The following FH variants were observed in gnomAD, a reference collection of about 807,000 sequenced individuals.
FH encodes the protein fumarate hydratase, mitochondrial.
In FH, 22 loss-of-function variants were observed where a neutral mutation model predicts 49.4. The observed-to-expected ratio is 0.45, with a 90% confidence interval of 0.32 to 0.64. The LOEUF (loss-of-function observed/expected upper bound fraction) is 0.64, where lower values mean the gene tolerates loss of function less well. Ranked by LOEUF, FH falls within the 30% of genes least tolerant of loss-of-function variation. FH has a pLI of 0.05. For missense variants in FH, 526 were observed against 641.5 expected (o/e 0.82, Z 1.95); for synonymous variants, 208 against 223.0 (o/e 0.93, Z 0.60).
chr1:241,504,325 G>T, intron 6 of FH, 80 bp from the exon 7 acceptor site: 1 of 1,325,522 alleles, frequency 7.5e-7, no homozygotes, highest in Non-Finnish European at 1.1e-6. Flanking sequence ...GAAACAGAAA[G>T]TTCCAATATA....
At chr1:241,519,449 C>T in intron 1 of FH, 142 bp downstream of exon 1, 1 of 1,058,176 alleles carries the variant, frequency 9.5e-7, no homozygotes, top group Non-Finnish European at 1.3e-6. Flanking sequence ...GCCCGCCACG[C>T]CGGCACGGGC....
intron 3 of FH, 85 bp downstream of exon 3, chr1:241,513,518 C>T (rs1468880568): frequency 8.0e-6 from 8 of 996,730 alleles, no homozygotes; most frequent in Non-Finnish European, 1.1e-5. Context: ...TTCACAGTTC[C>T]CCTTTCCTTC....
At chr1:241,516,186 G>A (rs968307065) in intron 2 of FH, among the ~76,000 whole-genome samples, 1 of 152,080 alleles carries the variant, frequency 6.6e-6, no homozygotes, top group Admixed American at 6.6e-5. Flanking sequence ...CAGCAAGAGT[G>A]AAAAGACAAT....
intron 9 of FH, among the ~76,000 whole-genome samples, chr1:241,498,741 A>G (rs1468842962): frequency 1.7e-5 from 2 of 119,284 alleles, no homozygotes; most frequent in African/African-American, 3.2e-5. Context: ...ATATATATAT[A>G]TGTCAAGAAG....
At chr1:241,517,719 T>C (rs1218320224) in intron 1 of FH, among the ~76,000 whole-genome samples, 2 of 152,096 alleles carry the variant, frequency 1.3e-5, no homozygotes, top group Non-Finnish European at 2.9e-5. Context: ...TTTATAAACA[T>C]TATTTATATA....
chr1:241,500,296 T>C, intron 9 of FH, 141 bp downstream of exon 9: 1 of 806,744 alleles, frequency 1.2e-6, no homozygotes, highest in East Asian at 2.6e-5. Context: ...TTCCACACAA[T>C]TTCAAATATT....
intron 9 of FH, 50 bp downstream of exon 9, chr1:241,500,387 G>C: frequency 6.3e-7 from 1 of 1,577,726 alleles, no homozygotes; most frequent in Non-Finnish European, 8.7e-7. Context: ...AAATGGTTTA[G>C]CTTTTTAATT....
chr1:241,514,318 C>T (rs947899193), intron 2 of FH, among the ~76,000 whole-genome samples: 9 of 152,174 alleles, frequency 5.9e-5, no homozygotes, highest in Non-Finnish European at 4.4e-5. Flanking sequence ...ACATTTCTCT[C>T]AGAAGAATTA....
At chr1:241,502,759 G>A (rs1330347877) in intron 7 of FH, among the ~76,000 whole-genome samples, 189 bp from the exon 8 acceptor site, 1 of 152,108 alleles carries the variant, frequency 6.6e-6, no homozygotes, top group East Asian at 1.9e-4. Flanking sequence ...TCATTCAAAG[G>A]CTAACGAGTA....
At chr1:241,518,768 T>C (rs1357621224) in intron 1 of FH, among the ~76,000 whole-genome samples, 1 of 152,240 alleles carries the variant, frequency 6.6e-6, no homozygotes, top group African/African-American at 2.4e-5. Flanking sequence ...CATATGTATT[T>C]AAAGCTTTTT....
intron 6 of FH, 88 bp downstream of exon 6, chr1:241,505,915 C>T: frequency 8.2e-7 from 1 of 1,213,380 alleles, no homozygotes. Context: ...TTTAAATTCA[C>T]AAGAATTCAA....
intron 5 of FH, among the ~76,000 whole-genome samples, chr1:241,508,267 T>C (rs1659979742): frequency 6.6e-6 from 1 of 152,180 alleles, no homozygotes; most frequent in South Asian, 2.1e-4. Flanking sequence ...GCTTCACAAC[T>C]ATCCTATGAA....
chr1:241,517,806 C>T (rs1424408950), intron 1 of FH, among the ~76,000 whole-genome samples: 1 of 151,938 alleles, frequency 6.6e-6, no homozygotes, highest in Non-Finnish European at 1.5e-5. Flanking sequence ...CATATATAAA[C>T]ACTATATATA....
intron 7 of FH, 68 bp downstream of exon 7, chr1:241,503,974 G>T: frequency 6.9e-7 from 1 of 1,439,388 alleles, no homozygotes; most frequent in South Asian, 1.2e-5. Flanking sequence ...GAGAGACATG[G>T]TCCATAGCTA....
In FH at chr1:241,497,659, T is replaced by A. The variant is rs1659653684; in HGVS notation, c.*169A>T. 9.0e-6 allele frequency: 5 copies of A among 557,102 alleles called. No individual in the cohort carries two copies. The highest frequency in any genetic ancestry group is 1.6e-5 in the Non-Finnish European group (5 of 318,650). The allele number at this position is 557,102 out of a possible 1,614,324, so 34.5% of individuals were successfully genotyped here. On this transcript the variant is annotated 3_prime_UTR_variant, in exon 10 of 10. Transcript: ENST00000366560. ...TGTATTTTATTTTATACTTGTTTAATCCATCTTAGACCTAGCACATCCTAG... is the reference window on the plus strand; with the variant it reads ...TGTATTTTATTTTATACTTGTTTAAACCATCTTAGACCTAGCACATCCTAG...
intron 2 of FH, among the ~76,000 whole-genome samples, chr1:241,516,403 A>G (rs1161929572): frequency 1.3e-5 from 2 of 152,212 alleles, no homozygotes; most frequent in African/African-American, 4.8e-5. Context: ...ATACTAACAG[A>G]GGAACAGAAA....
chr1:241,507,030 T>C (rs939132383), intron 5 of FH, among the ~76,000 whole-genome samples: 1 of 152,136 alleles, frequency 6.6e-6, no homozygotes, highest in African/African-American at 2.4e-5. Flanking sequence ...AAGATATAAC[T>C]CATTATAGGT....
intron 4 of FH, among the ~76,000 whole-genome samples, chr1:241,510,693 A>G (rs1169996250): frequency 6.6e-6 from 1 of 152,178 alleles, no homozygotes; most frequent in Non-Finnish European, 1.5e-5. Flanking sequence ...GCCTAGCCTC[A>G]AGGTAGCGCG....
chr1:241,509,838 CAGAT>C (rs1181691013), intron 4 of FH, among the ~76,000 whole-genome samples: 2 of 151,506 alleles, frequency 1.3e-5, no homozygotes, highest in Non-Finnish European at 2.9e-5. Flanking sequence ...TGCACACACA[CAGAT>C]ATATATAAAA....
Sources: allele counts gnomAD v4.1 joint callset (sites outside exome capture counted in the v4.1 genomes callset), GRCh38; gene constraint gnomAD v4.1.1; transcripts MANE v1.5; gene names NCBI Gene and HGNC (gene_info 2026-07-23, HGNC 2026-07-21).